Variants in CLPTM1 observed in about 807,000 individuals in gnomAD.
CLPTM1 encodes the protein CLPTM1 regulator of GABA type A receptor forward trafficking.
In CLPTM1, 21 loss-of-function variants were observed where a neutral mutation model predicts 77.3. The ratio of observed to expected loss-of-function variants is 0.27; its 90% CI spans 0.19 to 0.39. The LOEUF is 0.39. Ranked by LOEUF, CLPTM1 falls within the 10% of genes least tolerant of loss-of-function variation. The pLI, the probability that CLPTM1 is intolerant of heterozygous loss-of-function variation, is 1.00. For synonymous variants in CLPTM1, 373 were observed against 381.0 expected, an observed-to-expected ratio of 0.98 and a Z score of 0.24; for missense variants, 642 against 921.2, an observed-to-expected ratio of 0.70 and a Z score of 3.92.
intron 9 of CLPTM1, 99 bp downstream of exon 9, chr19:44,988,272 G>C: frequency 3.4e-6 from 3 of 892,292 alleles, no homozygotes; most frequent in Admixed American, 1.8e-5. Context: ...TCCTCCCCCT[G>C]CCTGGGGTCT....
chr19:44,972,838 C>T (rs1045206223), intron 2 of CLPTM1, among the ~76,000 whole-genome samples: 1 of 151,928 alleles, frequency 6.6e-6, no homozygotes, highest in Non-Finnish European at 1.5e-5. Flanking sequence ...GGTCTGCATG[C>T]AGACCAGGGC....
chr19:44,963,420 G>A (rs1970576636), intron 2 of CLPTM1, among the ~76,000 whole-genome samples: 1 of 150,140 alleles, frequency 6.7e-6, no homozygotes, highest in African/African-American at 2.4e-5. Context: ...CCGCCTCCCG[G>A]GTTCACGCCA....
chr19:44,960,164 G>T (rs1216064342), intron 1 of CLPTM1, among the ~76,000 whole-genome samples: 1 of 152,140 alleles, frequency 6.6e-6, no homozygotes, highest in African/African-American at 2.4e-5. Context: ...TCAGAATGTG[G>T]CTTTCTCTGT....
At position 44,990,552 on chromosome 19, in the gene CLPTM1, C is replaced by T; in HGVS notation, c.1290C>T (p.Asp430=). The part of the protein sequence containing the change: ...QVSVFIGVLI[D]LWKITKVMDV... ...GCGTCTTCATTGGGGTCCTCATCGA[C>T]CTCTGGAAGATCACCAAGGTCATGG... Residue 430 remains aspartate, a synonymous_variant, in exon 10 of 14, where the codon GAC becomes GAT. Coordinates refer to ENST00000337392, the MANE Select transcript of CLPTM1 (RefSeq NM_001294.4). The surrounding 1 kb of genome is among the most constrained non-coding windows in gnomAD (Gnocchi z 4.8). The T allele has an allele frequency of 2.5e-6, 4 of 1,614,054 alleles. No individual in the cohort carries two copies. The highest frequency in any genetic ancestry group is 2.5e-6 in the Non-Finnish European group (3 of 1,179,960).
intron 4 of CLPTM1, 79 bp downstream of exon 4, chr19:44,974,676 C>G: frequency 6.6e-7 from 1 of 1,522,440 alleles, no homozygotes; most frequent in Non-Finnish European, 8.9e-7. Context: ...CCGCTCCTTG[C>G]TGAGAGCATG....
chr19:44,964,676 T>A (rs1457519889), intron 2 of CLPTM1, among the ~76,000 whole-genome samples: 1 of 152,154 alleles, frequency 6.6e-6, no homozygotes. Context: ...TGTGCCCCCA[T>A]CACCATTATC....
chr19:44,986,330 C>G, intron 6 of CLPTM1, 125 bp from the exon 7 acceptor site: 1 of 1,310,112 alleles, frequency 7.6e-7, no homozygotes, highest in South Asian at 1.4e-5. Context: ...GAGACCCCAT[C>G]TCAGAAAAAA....
At chr19:44,957,559 T>A (rs918324668) in intron 1 of CLPTM1, among the ~76,000 whole-genome samples, 2 of 152,270 alleles carry the variant, frequency 1.3e-5, no homozygotes, top group Admixed American at 6.5e-5. Context: ...AGCTTCCTCC[T>A]GCTCTTGCCT....
chr19:44,974,166 C>T (rs1970768745), intron 3 of CLPTM1, among the ~76,000 whole-genome samples: 1 of 152,188 alleles, frequency 6.6e-6, no homozygotes, highest in South Asian at 2.1e-4. Flanking sequence ...ATTCAGGGAG[C>T]TCCTGCCCCT....
At chr19:44,954,624 A>G, upstream of CLPTM1, 1 of 1,072,662 alleles carries the variant, frequency 9.3e-7, no homozygotes, top group Non-Finnish European at 1.1e-6. Context: ...GGCCGGGTTT[A>G]GAGCTGTACG....
At chr19:44,980,229 C>T (rs764500774) in intron 5 of CLPTM1, among the ~76,000 whole-genome samples, 60 of 152,248 alleles carry the variant, frequency 3.9e-4, no homozygotes, top group Middle Eastern at 3.4e-3. Context: ...CCCCTTTTGG[C>T]TGGTTGTGGT....
At position 44,992,554 on chromosome 19, in the gene CLPTM1, C is replaced by T; in HGVS notation, c.1724-57C>T. 1 of 1,603,762 alleles carries T rather than the reference C, an allele frequency of 6.2e-7. No individual in the cohort carries two copies. The highest frequency in any genetic ancestry group is 1.1e-5 in the South Asian group (1 of 90,664). On this transcript the variant is annotated intron_variant, in intron 13 of 13. Coordinates refer to ENST00000337392, the MANE Select transcript of CLPTM1 (RefSeq NM_001294.4). The surrounding 1 kb of genome is among the most constrained non-coding windows in gnomAD (Gnocchi z 7.7). Reference sequence around the variant, plus strand: ...TTGCATCACGCCCTCTCCACCCAGGCCCACCTGGCTGTGGACGGGCCAGCC... The same window carrying T: ...TTGCATCACGCCCTCTCCACCCAGGTCCACCTGGCTGTGGACGGGCCAGCC...
At chr19:44,979,206 C>T (rs1970853971) in intron 5 of CLPTM1, among the ~76,000 whole-genome samples, 1 of 152,124 alleles carries the variant, frequency 6.6e-6, no homozygotes, top group Admixed American at 6.6e-5. Context: ...TCTCAAACTC[C>T]TGACCTCAAG....
chr19:44,967,640 A>G (rs1451884869), intron 2 of CLPTM1, among the ~76,000 whole-genome samples: 1 of 148,702 alleles, frequency 6.7e-6, no homozygotes, highest in African/African-American at 2.5e-5. Context: ...CTGGGCAACA[A>G]GAGTGAAACT....
At chr19:44,987,919 C>A in intron 8 of CLPTM1, 161 bp from the exon 9 acceptor site, 2 of 662,110 alleles carry the variant, frequency 3.0e-6, no homozygotes, top group Non-Finnish European at 2.7e-6. Context: ...GTGAGTCACC[C>A]TCCTCTCTCT....
rs556696012 is a variant in CLPTM1, at chr19:44,986,441, C to A, written c.673-14C>A. On this transcript the variant is annotated splice_polypyrimidine_tract_variant and intron_variant, in intron 6 of 13. Coordinates refer to ENST00000337392, the MANE Select transcript of CLPTM1 (RefSeq NM_001294.4). ...CCACCTGCCTCTGAGGTCCTTCCCC[C>A]CATGTTGCCTCAGAGGGCTGAGGAC... The A allele has an allele frequency of 1.1e-5, 18 of 1,613,146 alleles. No homozygotes were observed. The highest frequency in any genetic ancestry group is 1.4e-5 in the Non-Finnish European group (17 of 1,179,526).
rs373712398 is a variant in CLPTM1, at chr19:44,981,002, T to C, written c.586+3542T>C. On this transcript the variant is annotated intron_variant, in intron 5 of 13. Transcript: ENST00000337392. ...ACAGGCGCCCGCCACCACGCCCGGC[T>C]AATGGTTTTTTTGTATTTTTAGTAG... Among the ~76,000 whole-genome samples the C allele has an allele frequency of 2.0e-5, 3 of 151,958 alleles. No individual in the cohort carries two copies. The South Asian group carries it at 6.2e-4, about 32-fold the overall frequency.
chr19:44,954,796 G>T, upstream of CLPTM1: 10 of 1,280,326 alleles, frequency 7.8e-6, no homozygotes, highest in Middle Eastern at 2.8e-4. Flanking sequence ...TTTGTTGGCC[G>T]TAAGACCCCT....
chr19:44,985,580 C>T (rs1322746113), intron 6 of CLPTM1, among the ~76,000 whole-genome samples: 1 of 152,196 alleles, frequency 6.6e-6, no homozygotes, highest in Non-Finnish European at 1.5e-5. Context: ...CATGAGGACA[C>T]TTGCTCAGTC....
Sources: allele counts gnomAD v4.1 joint callset (sites outside exome capture counted in the v4.1 genomes callset), GRCh38; gene constraint gnomAD v4.1.1; non-coding constraint Gnocchi (gnomAD v3.1); transcripts MANE v1.5; gene names NCBI Gene and HGNC (gene_info 2026-07-23, HGNC 2026-07-21).